ZFHX3: variants seen among roughly 807,000 people sequenced by gnomAD.
ZFHX3 encodes zinc finger homeobox 3.
In ZFHX3, 42 loss-of-function variants were observed where a neutral mutation model predicts 279.1. The observed-to-expected ratio is 0.15, with a 90% CI of 0.12 to 0.19. ZFHX3 has a LOEUF of 0.19. ZFHX3 is among the 10% of genes least tolerant of loss of function. The pLI is 1.00. For synonymous variants in ZFHX3, 2,293 were observed against 1,957.8 expected, an observed-to-expected ratio of 1.17 and a Z score of -4.52; for missense variants, 4,981 against 4,754.0, an observed-to-expected ratio of 1.05 and a Z score of -1.40.
intron 1 of ZFHX3, among the ~76,000 whole-genome samples, chr16:73,748,923 G>A (rs910104969): frequency 2.0e-5 from 3 of 152,064 alleles, no homozygotes; most frequent in Non-Finnish European, 4.4e-5. Flanking sequence ...GAGTAGCTGG[G>A]ATGACAGGCA....
chr16:73,079,756 T>C (rs1487985208), intron 8 of ZFHX3, among the ~76,000 whole-genome samples: 1 of 152,208 alleles, frequency 6.6e-6, no homozygotes, highest in African/African-American at 2.4e-5. Context: ...TGTGCCATCC[T>C]TCCATTCATT....
chr16:73,716,240 C>T (rs2053413277), intron 1 of ZFHX3, among the ~76,000 whole-genome samples: 1 of 152,010 alleles, frequency 6.6e-6, no homozygotes, highest in Non-Finnish European at 1.5e-5. Context: ...AAAAAAATGT[C>T]CCTCAAGGGA....
chr16:73,073,787 C>T (rs778003353), intron 8 of ZFHX3, among the ~76,000 whole-genome samples: 5 of 152,226 alleles, frequency 3.3e-5, no homozygotes, highest in Non-Finnish European at 5.9e-5. Flanking sequence ...GCATGAGCCA[C>T]CAAGCCCGGC....
At chr16:72,882,565 G>A (rs777896827) in intron 4 of ZFHX3, among the ~76,000 whole-genome samples, 5 of 152,160 alleles carry the variant, frequency 3.3e-5, no homozygotes, top group African/African-American at 9.7e-5. Flanking sequence ...ACAGGAGGCT[G>A]GGTACGAGGC....
rs187589711 is a variant in ZFHX3 at position 73,223,174 on chromosome 16, G to C, written c.-1104+33873C>G. On this transcript the variant is annotated intron_variant, in intron 5 of 17. Transcript: ENST00000641206. ...CCTTGGGTTTGGCGATGACTTTTTA[G>C]CTATAACCCCAAAAGCATGGTCCAT... Among the ~76,000 whole-genome samples the C allele has an allele frequency of 1.0e-3, 156 of 152,192 alleles. 2 individuals carry two copies. The highest frequency in any genetic ancestry group is 3.5e-3 in the African/African-American group (147 of 41,550).
chr16:73,138,451 T>C (rs1238844416), intron 6 of ZFHX3, among the ~76,000 whole-genome samples: 1 of 152,096 alleles, frequency 6.6e-6, no homozygotes, highest in East Asian at 1.9e-4. Context: ...AGCTGTGAGA[T>C]ATGCCAGGGC....
At chr16:73,124,451 C>G (rs577685061) in intron 7 of ZFHX3, among the ~76,000 whole-genome samples, 1 of 152,294 alleles carries the variant, frequency 6.6e-6, no homozygotes, top group Admixed American at 6.5e-5. Flanking sequence ...CTCCTGATAT[C>G]ATCACATTGA....
chr16:73,839,783 G>T (rs570350098), intron 1 of ZFHX3, among the ~76,000 whole-genome samples: 11 of 152,280 alleles, frequency 7.2e-5, no homozygotes, highest in Admixed American at 7.2e-4. Context: ...ACGTGCTGCT[G>T]CCCTCCGACA....
intron 7 of ZFHX3, among the ~76,000 whole-genome samples, chr16:73,101,842 C>T (rs7188709): frequency 0.78 from 117,323 of 151,140 alleles, 46,011 homozygotes; most frequent in South Asian, 0.89. Flanking sequence ...CCCAGTACAC[C>T]ACCCCTTCCA....
intron 1 of ZFHX3, among the ~76,000 whole-genome samples, chr16:72,961,226 G>GC (rs914450903): frequency 1.3e-5 from 2 of 149,034 alleles, no homozygotes; most frequent in African/African-American, 2.5e-5. Context: ...GGCTCGGCGA[G>GC]CCCCAGCTCC....
In ZFHX3 at chr16:73,710,598, T is replaced by G. The variant is rs114608788; in HGVS notation, c.-1607-30358A>C. 3.2e-3 allele frequency among the ~76,000 whole-genome samples: 480 copies of G among 152,238 alleles called. 2 individuals are homozygous for G. The highest frequency in any genetic ancestry group is 0.011 in the African/African-American group (453 of 41,524). The stretch of plus-strand genomic sequence containing the variant: ...TGGGTGAGCTTCAGTTCTCTGAACC[T>G]CCATGGAATGTAGAGAGAGACCCAC... On this transcript the variant is annotated intron_variant, in intron 1 of 17. Coordinates refer to the ZFHX3 transcript ENST00000641206.
intron 4 of ZFHX3, among the ~76,000 whole-genome samples, chr16:72,847,860 T>C (rs957296613): frequency 1.3e-5 from 2 of 152,000 alleles, no homozygotes; most frequent in African/African-American, 4.8e-5. Flanking sequence ...CAAACGTTAA[T>C]GTAGGTTCCA....
chr16:73,724,518 C>T (rs2053501943), intron 1 of ZFHX3, among the ~76,000 whole-genome samples: 1 of 152,182 alleles, frequency 6.6e-6, no homozygotes, highest in African/African-American at 2.4e-5. Flanking sequence ...AGTGGGCTGT[C>T]TGGCCTAACT....
At chr16:73,273,785 G>C (rs1354923565) in intron 4 of ZFHX3, among the ~76,000 whole-genome samples, 1 of 152,212 alleles carries the variant, frequency 6.6e-6, no homozygotes, top group Admixed American at 6.5e-5. Context: ...AGGTATTTCA[G>C]TGTACTTTTA....
chr16:73,679,072 G>A (rs1313568894), intron 2 of ZFHX3, among the ~76,000 whole-genome samples: 4 of 151,732 alleles, frequency 2.6e-5, no homozygotes, highest in Non-Finnish European at 5.9e-5. Flanking sequence ...AAAACTACTT[G>A]AAGTAAATGA....
rs762268017 is a variant in ZFHX3, at chr16:72,811,939, C to A, written c.3629G>T (p.Arg1210Leu). ...GSSESPLSSK[R>L]PKTAEEIKPE... ...TTTGATCTCCTCAGCTGTTTTTGGTCGCTTCGAAGAGAGGGGAGACTCTGA... is the reference window on the plus strand; with the variant it reads ...TTTGATCTCCTCAGCTGTTTTTGGTAGCTTCGAAGAGAGGGGAGACTCTGA... Residue 1210 changes from arginine (R) to leucine (L), a missense_variant, in exon 6 of 10, where the codon CGA becomes CTA. Physicochemically the swap from Arg to Leu is moderately radical, Grantham distance 102. Transcript: ENST00000268489. 3 of 1,613,570 alleles carry A rather than the reference C, an allele frequency of 1.9e-6. No homozygotes were observed. The highest frequency in any genetic ancestry group is 2.5e-6 in the Non-Finnish European group (3 of 1,179,930).
chr16:72,904,367 A>AAAAT (rs200166214), intron 3 of ZFHX3, among the ~76,000 whole-genome samples: 5,714 of 139,940 alleles, frequency 0.041, 158 homozygotes, highest in East Asian at 0.12. Flanking sequence ...ATTCTGTCTC[A>AAAAT]AAATAAATAA....
intron 1 of ZFHX3, among the ~76,000 whole-genome samples, chr16:73,856,428 C>T (rs1356115445): frequency 1.3e-5 from 2 of 152,168 alleles, no homozygotes; most frequent in East Asian, 1.9e-4. Flanking sequence ...CCCCAACCCC[C>T]ACCCCTTGGC....
At chr16:73,874,653 CAA>C (rs1275412522) in intron 1 of ZFHX3, among the ~76,000 whole-genome samples, 1 of 152,180 alleles carries the variant, frequency 6.6e-6, no homozygotes, top group African/African-American at 2.4e-5. Flanking sequence ...GCTATTACAT[CAA>C]ACCTTTGTAT....
Sources: gnomAD v4.1 joint callset for allele counts (sites outside exome capture counted in the v4.1 genomes callset) on GRCh38, gnomAD v4.1.1 for gene constraint, MANE v1.5 for transcripts, NCBI Gene and HGNC (gene_info 2026-07-23, HGNC 2026-07-21) for gene names.